Variants in DPEP1 observed in about 807,000 individuals in gnomAD.
DPEP1 encodes the protein beta-lactamase.
Under a neutral mutation model 42.3 loss-of-function variants are expected in DPEP1, and 50 were observed. That is an observed-to-expected ratio of 1.18 (90% CI 0.94 to 1.50). The LOEUF (loss-of-function observed/expected upper bound fraction) is 1.50. DPEP1 is among the 40% of genes most tolerant of loss of function. The probability of loss-of-function intolerance (pLI) is 0.00; values close to 1 mark genes in which losing one functional copy is unlikely to be tolerated. For synonymous variants in DPEP1, 297 were observed against 234.0 expected (o/e 1.27, Z -2.46); for missense variants, 663 against 553.0 (o/e 1.20, Z -1.99).
intron 1 of DPEP1, chr16:89,616,737 G>A (rs2059381916): frequency 7.5e-6 from 2 of 265,306 alleles, no homozygotes; most frequent in Non-Finnish European, 1.5e-5. Flanking sequence ...GGCAGGAAGT[G>A]GCTGGGAAGC....
intron 5 of DPEP1, 39 bp downstream of exon 5, chr16:89,636,722 A>C: frequency 6.2e-7 from 1 of 1,608,570 alleles, no homozygotes; most frequent in Non-Finnish European, 8.5e-7. Context: ...GGCTGTGGTC[A>C]GGAGGGAGGG....
chr16:89,635,294 T>C (rs73265357), intron 2 of DPEP1, among the ~76,000 whole-genome samples: 13,282 of 141,770 alleles, frequency 0.094, 2,474 homozygotes, highest in East Asian at 0.46. Flanking sequence ...CTTGGAGAAC[T>C]TCAGTCCTTT....
At position 89,636,524 on chromosome 16, in the gene DPEP1, T is replaced by C; in HGVS notation, c.371-9T>C. The C allele has an allele frequency of 6.2e-7, 1 of 1,611,274 alleles. No homozygotes were observed. The highest frequency in any genetic ancestry group is 8.5e-7 in the Non-Finnish European group (1 of 1,179,208). ...TGCCCACTCCCCTGCACCCTGACTC[T>C]CCCCGCAGGCATTCGGCAGGCCTTC... On this transcript the variant is annotated splice_polypyrimidine_tract_variant and intron_variant, in intron 4 of 10. Coordinates refer to ENST00000690203, the MANE Select transcript of DPEP1 (RefSeq NM_001389466.1).
At chr16:89,629,338 C>T (rs1336974336) in intron 1 of DPEP1, among the ~76,000 whole-genome samples, 2 of 152,012 alleles carry the variant, frequency 1.3e-5, no homozygotes, top group African/African-American at 4.8e-5. Context: ...CCCATCTCTA[C>T]AAAAAATACA....
chr16:89,613,957 C>CTGGG (rs1426144356), intron 1 of DPEP1, among the ~76,000 whole-genome samples: 1 of 47,882 alleles, frequency 2.1e-5, no homozygotes, highest in East Asian at 2.9e-4. Context: ...GGGGACGAGG[C>CTGGG]AGCTTCCTGG....
chr16:89,638,129 C>T lies in DPEP1; in HGVS notation c.1143C>T (p.Tyr381=), dbSNP rs200867714. 91 of 1,612,078 alleles carry T rather than the reference C, an allele frequency of 5.6e-5. No homozygotes were observed. Among genetic ancestry groups the T allele is most frequent in the South Asian group, 9.9e-5 (9 of 91,058 alleles). Residue 381 remains tyrosine (Y), a synonymous_variant, in exon 11 of 11, where the codon TAC becomes TAT. Coordinates refer to ENST00000690203, the MANE Select transcript of DPEP1 (RefSeq NM_001389466.1). The part of the protein sequence containing the change: ...DQLGGSCRTH[Y]GYSSGASSLH... ...TGGGTGGCTCCTGCAGGACCCATTA[C>T]GGCTACTCCTCTGGGGCTTCCAGCC... is the stretch of plus-strand genomic sequence containing the variant.
intron 2 of DPEP1, among the ~76,000 whole-genome samples, chr16:89,631,866 AAACTT>A (rs780589465): frequency 1.0e-3 from 158 of 152,246 alleles, no homozygotes; most frequent in Middle Eastern, 3.4e-3. Flanking sequence ...CAAATTAAAA[AAACTT>A]AAGAGAGCAG....
At chr16:89,634,801 TCCCCTTCCTTCCCTTTC>T (rs1597769323) in intron 2 of DPEP1, among the ~76,000 whole-genome samples, 5 of 10,678 alleles carry the variant, frequency 4.7e-4, no homozygotes, top group African/African-American at 1.1e-3. Flanking sequence ...CCTTCTCCTT[TCCCCTTCCTTCCCTTTC>T]CCCTTCCTTC....
chr16:89,637,797 C>T (rs201191440), intron 9 of DPEP1, 39 bp from the exon 10 acceptor site: 3 of 1,612,486 alleles, frequency 1.9e-6, no homozygotes, highest in South Asian at 1.1e-5. Context: ...GGACCTGTGT[C>T]CTAGTGTGGG....
chr16:89,637,409 C>A (rs367666025), intron 7 of DPEP1, 29 bp downstream of exon 7: 3 of 1,612,510 alleles, frequency 1.9e-6, no homozygotes, highest in African/African-American at 2.7e-5. Context: ...ACCTCCACCC[C>A]GCCTCCCTGG....
At chr16:89,627,575 A>C (rs970015663) in intron 1 of DPEP1, among the ~76,000 whole-genome samples, 1 of 147,650 alleles carries the variant, frequency 6.8e-6, no homozygotes, top group Non-Finnish European at 1.5e-5. Flanking sequence ...ACTCTGTCTC[A>C]GAGAGAGAGA....
downstream of DPEP1, among the ~76,000 whole-genome samples, chr16:89,641,263 G>A (rs2059740931): frequency 6.6e-6 from 1 of 152,126 alleles, no homozygotes; most frequent in South Asian, 2.1e-4. Flanking sequence ...AAGAGATGGT[G>A]GAGCAGAGTC....
At chr16:89,629,897 A>C (rs1284416633) in intron 1 of DPEP1, among the ~76,000 whole-genome samples, 1 of 152,206 alleles carries the variant, frequency 6.6e-6, no homozygotes, top group African/African-American at 2.4e-5. Context: ...CCCCCATGGC[A>C]AGTCACGTAA....
chr16:89,631,045 G>GAA (rs1378421774), intron 2 of DPEP1, among the ~76,000 whole-genome samples: 1 of 152,110 alleles, frequency 6.6e-6, no homozygotes, highest in Non-Finnish European at 1.5e-5. Flanking sequence ...TGCGGACGTG[G>GAA]AGGCCCTGCG....
Position 89,636,569 on chromosome 16 carries a change from G to A in DPEP1, c.407G>A (p.Ser136Asn). The A allele has an allele frequency of 6.2e-7, 1 of 1,612,476 alleles. No individual in the cohort carries two copies. The highest frequency in any genetic ancestry group is 8.5e-7 in the Non-Finnish European group (1 of 1,179,862). ...GCCTTCCGGGAAGGGAAGGTGGCCA[G>A]CCTGATCGGCGTGGAGGGCGGCCAC... The part of the protein sequence containing the change: ...RQAFREGKVA[S>N]LIGVEGGHSI... The change falls in exon 5 of 11, where the codon AGC becomes AAC. Residue 136 changes from serine (S) to asparagine (N), a missense_variant. By Grantham distance (46) the Ser-to-Asn change is conservative. Transcript: ENST00000690203.
At position 89,636,878 on chromosome 16, in the gene DPEP1, G is replaced by A; in HGVS notation, c.534G>A (p.Trp178Ter). The change falls in exon 6 of 11, where the codon TGG becomes TGA. Residue 178 changes from tryptophan to a stop codon, truncating the protein, a stop_gained. Coordinates refer to ENST00000690203, the MANE Select transcript of DPEP1 (RefSeq NM_001389466.1). LOFTEE classifies it high-confidence loss of function. ...TTTGCTTCTCCAGGGCTGACAACTGGCTGGTGGACACGGGAGACAGCGAGC... is the reference window on the plus strand; with the variant it reads ...TTTGCTTCTCCAGGGCTGACAACTGACTGGTGGACACGGGAGACAGCGAGC... ...HSCNTPWADNWLVDTGDSEPQ... is the reference protein window; with the variant it reads ...HSCNTPWADN 1.9e-6 allele frequency: 3 copies of A among 1,612,584 alleles called. No individual in the cohort carries two copies. The East Asian group carries it at 6.7e-5, about 36-fold the overall frequency.
rs566021441 is a variant in DPEP1, at chr16:89,623,958, G to A, written c.-106-6347G>A. On this transcript the variant is annotated intron_variant, in intron 1 of 10. Coordinates refer to ENST00000690203, the MANE Select transcript of DPEP1 (RefSeq NM_001389466.1). ...AAAGAGGCAGCTCCAGGCCTGGAGG[G>A]AACAGCGGTTGCCCACACACAGCCG... Among the ~76,000 whole-genome samples, 56 of 152,276 alleles carry A rather than the reference G, an allele frequency of 3.7e-4. 1 individual carries two copies. In the South Asian group the frequency reaches 4.1e-3, roughly 11 times the overall value.
At chr16:89,624,790 C>G (rs1016765116) in intron 1 of DPEP1, among the ~76,000 whole-genome samples, 1 of 152,300 alleles carries the variant, frequency 6.6e-6, no homozygotes, top group Non-Finnish European at 1.5e-5. Flanking sequence ...CCGCCGCACT[C>G]TCCCAAAGTG....
chr16:89,637,160 C>G (rs768109339), intron 6 of DPEP1, 44 bp from the exon 7 acceptor site: 3 of 1,593,148 alleles, frequency 1.9e-6, no homozygotes, highest in Non-Finnish European at 2.6e-6. Flanking sequence ...TCCGCAGCCC[C>G]GACCCTGGGG....
Sources: gnomAD v4.1 joint callset for allele counts (sites outside exome capture counted in the v4.1 genomes callset) on GRCh38, gnomAD v4.1.1 for gene constraint, MANE v1.5 for transcripts, NCBI Gene and HGNC (gene_info 2026-07-23, HGNC 2026-07-21) for gene names.